The following TMTC1 variants were observed in gnomAD, a reference collection of about 807,000 sequenced individuals.
TMTC1 encodes protein O-mannosyl-transferase TMTC1.
A neutral mutation model predicts 104.8 loss-of-function variants in TMTC1; 73 were observed. That is an observed-to-expected ratio of 0.70 (90% CI 0.58 to 0.85). The LOEUF is 0.85. Among genes scored for constraint, TMTC1 ranks in the 40% least tolerant of loss-of-function variants. The probability of loss-of-function intolerance (pLI) is 0.00; values close to 1 mark genes in which losing one functional copy is unlikely to be tolerated. For synonymous variants in TMTC1, 434 were observed against 428.7 expected, an observed-to-expected ratio of 1.01 and a Z score of -0.15; for missense variants, 1,035 against 1,096.1, an observed-to-expected ratio of 0.94 and a Z score of 0.79.
chr12:29,529,554 C>A (rs1944441750), intron 11 of TMTC1, among the ~76,000 whole-genome samples: 1 of 152,094 alleles, frequency 6.6e-6, no homozygotes, highest in Non-Finnish European at 1.5e-5. Context: ...ATAGTAATTA[C>A]AAACCTGGGA....
At chr12:29,753,865 G>A (rs1272292065) in intron 4 of TMTC1, among the ~76,000 whole-genome samples, 108 of 152,232 alleles carry the variant, frequency 7.1e-4, no homozygotes, top group Non-Finnish European at 2.8e-4. Flanking sequence ...AAAGCCAGAA[G>A]TTTCTTTTTC....
chr12:29,690,519 C>T (rs1420646649), intron 5 of TMTC1, among the ~76,000 whole-genome samples: 1 of 152,128 alleles, frequency 6.6e-6, no homozygotes, highest in Non-Finnish European at 1.5e-5. Flanking sequence ...AGTTCCTAAA[C>T]AATGTGGAGA....
chr12:29,712,121 C>T (rs1168108672), intron 5 of TMTC1, among the ~76,000 whole-genome samples: 2 of 151,998 alleles, frequency 1.3e-5, no homozygotes, highest in African/African-American at 4.8e-5. Flanking sequence ...ACGCAAACTT[C>T]CCCTCAACTA....
chr12:29,541,816 G>A (rs1235679252), intron 10 of TMTC1, among the ~76,000 whole-genome samples: 2 of 151,832 alleles, frequency 1.3e-5, no homozygotes, highest in African/African-American at 2.4e-5. Flanking sequence ...ACACCACCAC[G>A]CCCAGCTAAC....
At chr12:29,694,201 G>A (rs79995167) in intron 5 of TMTC1, among the ~76,000 whole-genome samples, 5 of 151,972 alleles carry the variant, frequency 3.3e-5, no homozygotes, top group South Asian at 2.1e-4. Flanking sequence ...GACTCTCTAC[G>A]CTTGCCTATG....
chr12:29,764,069 C>T (rs1209928522), intron 2 of TMTC1, among the ~76,000 whole-genome samples: 2 of 152,166 alleles, frequency 1.3e-5, no homozygotes, highest in African/African-American at 2.4e-5. Context: ...AAATGGCCAG[C>T]ATGTATTTTA....
chr12:29,513,955 A>G, intron 16 of TMTC1, among the ~76,000 whole-genome samples: 1 of 152,106 alleles, frequency 6.6e-6, no homozygotes, highest in African/African-American at 2.4e-5. Context: ...GACACTTTCA[A>G]ACGACTGGTA....
At chr12:29,765,108 A>G (rs1330457293) in intron 2 of TMTC1, among the ~76,000 whole-genome samples, 1 of 152,180 alleles carries the variant, frequency 6.6e-6, no homozygotes. Flanking sequence ...CCAGCATCAC[A>G]TATTCTATAT....
chr12:29,765,293 G>A (rs1011138181), intron 2 of TMTC1, among the ~76,000 whole-genome samples: 2 of 151,986 alleles, frequency 1.3e-5, no homozygotes, highest in Non-Finnish European at 2.9e-5. Flanking sequence ...ATTTCAAAAT[G>A]AGGCCATAAT....
intron 5 of TMTC1, among the ~76,000 whole-genome samples, chr12:29,742,278 T>A (rs1406777368): frequency 6.6e-6 from 1 of 152,156 alleles, no homozygotes; most frequent in Non-Finnish European, 1.5e-5. Flanking sequence ...TTATTTATTT[T>A]TCCAAATTAT....
At chr12:29,581,066 T>C (rs543554760) in intron 8 of TMTC1, among the ~76,000 whole-genome samples, 2 of 152,268 alleles carry the variant, frequency 1.3e-5, no homozygotes, top group African/African-American at 4.8e-5. Context: ...ATGAAGAAAT[T>C]AAAGCACAGA....
chr12:29,626,383 T>C (rs1232949025), intron 6 of TMTC1, among the ~76,000 whole-genome samples: 1 of 152,180 alleles, frequency 6.6e-6, no homozygotes, highest in Non-Finnish European at 1.5e-5. Flanking sequence ...ATGGTTAAAG[T>C]AGACCTTACT....
chr12:29,694,385 A>C (rs1941352832), intron 5 of TMTC1, among the ~76,000 whole-genome samples: 1 of 151,810 alleles, frequency 6.6e-6, no homozygotes, highest in Non-Finnish European at 1.5e-5. Flanking sequence ...CCCTGATATA[A>C]AATGGGGCAG....
intron 6 of TMTC1, among the ~76,000 whole-genome samples, chr12:29,614,647 A>C (rs1416841257): frequency 1.3e-5 from 2 of 152,202 alleles, no homozygotes; most frequent in African/African-American, 4.8e-5. Context: ...GCATAAAAAG[A>C]CTGATTTTCA....
Position 29,506,374 on chromosome 12 carries a change from A to T in TMTC1, c.*472T>A, listed in dbSNP as rs1032519818. On this transcript the variant is annotated 3_prime_UTR_variant, in exon 18 of 18. Transcript: ENST00000539277. ...TACTCATTCCTGGTTCTGGAAAATT[A>T]AATAAGCCAATTCTTGGTAGGATTT... The T allele has an allele frequency of 1.9e-5, 3 of 154,178 alleles. No homozygotes were observed. Among genetic ancestry groups the T allele is most frequent in the African/African-American group, 7.2e-5 (3 of 41,482 alleles). The allele number at this position is 154,178 out of a possible 1,614,324, so 9.6% of individuals were successfully genotyped here. A position where few individuals can be genotyped will look rare whatever the true frequency, so the allele number is the denominator to read the frequency against.
At chr12:29,574,479 A>G (rs934867281) in intron 8 of TMTC1, among the ~76,000 whole-genome samples, 7 of 152,344 alleles carry the variant, frequency 4.6e-5, no homozygotes, top group Middle Eastern at 3.4e-3. Context: ...AGGCTGCCAT[A>G]ACAAAACACA....
intron 9 of TMTC1, chr12:29,568,704 G>A (rs1363171819): frequency 4.1e-6 from 1 of 244,978 alleles, no homozygotes; most frequent in Non-Finnish European, 8.4e-6. Flanking sequence ...ATTTGACAAA[G>A]TACACACATG....
chr12:29,734,733 GT>G (rs1313358622), intron 5 of TMTC1, among the ~76,000 whole-genome samples: 1 of 152,140 alleles, frequency 6.6e-6, no homozygotes, highest in African/African-American at 2.4e-5. Flanking sequence ...AATTTCAGTA[GT>G]TGGTTATTTA....
chr12:29,512,005 G>T, intron 17 of TMTC1, 38 bp downstream of exon 17: 1 of 1,578,268 alleles, frequency 6.3e-7, no homozygotes, highest in Non-Finnish European at 8.7e-7. Flanking sequence ...AACACAGGGG[G>T]AAAGCCCGGT....
Sources: allele counts gnomAD v4.1 joint callset (sites outside exome capture counted in the v4.1 genomes callset), GRCh38; gene constraint gnomAD v4.1.1; transcripts MANE v1.5; gene names NCBI Gene and HGNC (gene_info 2026-07-23, HGNC 2026-07-21).